ASCC3: variants seen among roughly 807,000 people sequenced by gnomAD.
ASCC3 encodes the protein ASC-1 complex subunit P200.
In ASCC3, 158 loss-of-function variants were observed where a neutral mutation model predicts 256.3. The ratio of observed to expected loss-of-function variants is 0.62; its 90% CI spans 0.54 to 0.70. The LOEUF (loss-of-function observed/expected upper bound fraction) is 0.70. Ranked by LOEUF, ASCC3 falls within the 30% of genes least tolerant of loss-of-function variation. The pLI is 0.00. For missense variants in ASCC3, 2,259 were observed against 2,626.0 expected (o/e 0.86, Z 3.05); for synonymous variants, 948 against 883.4 (o/e 1.07, Z -1.30).
chr6:100,865,811 T>A (rs184650328), intron 2 of ASCC3, among the ~76,000 whole-genome samples: 94 of 152,270 alleles, frequency 6.2e-4, no homozygotes, highest in African/African-American at 2.2e-3. Context: ...TCTTCGTATG[T>A]TCAATTGATA....
At chr6:100,579,852 A>G (rs1054379482) in intron 36 of ASCC3, among the ~76,000 whole-genome samples, 2 of 152,112 alleles carry the variant, frequency 1.3e-5, no homozygotes, top group African/African-American at 4.8e-5. Context: ...GTCTTTCCTA[A>G]TTCTGTGAAG....
At chr6:100,599,717 T>C (rs186544224) in intron 34 of ASCC3, among the ~76,000 whole-genome samples, 2 of 152,050 alleles carry the variant, frequency 1.3e-5, no homozygotes, top group Non-Finnish European at 2.9e-5. Flanking sequence ...AACGTATCTG[T>C]GGATTCAGTA....
At chr6:100,547,243 T>C (rs1769019123) in intron 36 of ASCC3, among the ~76,000 whole-genome samples, 1 of 151,954 alleles carries the variant, frequency 6.6e-6, no homozygotes, top group Admixed American at 6.6e-5. Flanking sequence ...ATCATAGACC[T>C]AAATATAAAA....
At chr6:100,737,545 C>T (rs1171696045) in intron 10 of ASCC3, among the ~76,000 whole-genome samples, 2 of 152,162 alleles carry the variant, frequency 1.3e-5, no homozygotes, top group Admixed American at 1.3e-4. Context: ...CATGTCCCTG[C>T]AAAGGGTATG....
intron 14 of ASCC3, among the ~76,000 whole-genome samples, chr6:100,672,271 A>G (rs1776791305): frequency 6.6e-6 from 1 of 152,028 alleles, no homozygotes; most frequent in Non-Finnish European, 1.5e-5. Context: ...GCGTAAAGGG[A>G]TGACTACTTT....
chr6:100,786,279 T>C (rs1041647132), intron 8 of ASCC3, among the ~76,000 whole-genome samples: 3 of 152,164 alleles, frequency 2.0e-5, no homozygotes, highest in African/African-American at 7.2e-5. Context: ...CACATGCTCA[T>C]GGTATGTCAT....
chr6:100,707,382 A>G (rs561316926), intron 13 of ASCC3, among the ~76,000 whole-genome samples: 1 of 152,084 alleles, frequency 6.6e-6, no homozygotes, highest in Non-Finnish European at 1.5e-5. Context: ...AACTATAGGA[A>G]TAAAAGAAAA....
At chr6:100,633,355 T>C (rs1774653721) in intron 25 of ASCC3, among the ~76,000 whole-genome samples, 1 of 152,068 alleles carries the variant, frequency 6.6e-6, no homozygotes, top group Non-Finnish European at 1.5e-5. Flanking sequence ...ACGGTGCTTT[T>C]GTACAAGTAG....
chr6:100,813,293 T>C (rs955512216), intron 4 of ASCC3, among the ~76,000 whole-genome samples: 2 of 152,016 alleles, frequency 1.3e-5, no homozygotes, highest in South Asian at 2.1e-4. Context: ...CTGTCTCTAC[T>C]AAAAATACAA....
intron 14 of ASCC3, among the ~76,000 whole-genome samples, chr6:100,676,453 C>T (rs192006564): frequency 1.3e-5 from 2 of 152,188 alleles, no homozygotes; most frequent in African/African-American, 4.8e-5. Context: ...GTTTGGGCAT[C>T]ATTTGTACAT....
intron 13 of ASCC3, among the ~76,000 whole-genome samples, chr6:100,686,563 C>T (rs1321628079): frequency 1.3e-5 from 2 of 152,106 alleles, no homozygotes; most frequent in Admixed American, 1.3e-4. Context: ...TTATATTTTA[C>T]AGTTGCATAG....
At chr6:100,856,427 C>T in intron 3 of ASCC3, 1 of 979,808 alleles carries the variant, frequency 1.0e-6, no homozygotes, top group Non-Finnish European at 1.2e-6. Context: ...GCATGTGTTA[C>T]TTATCAATCT....
intron 13 of ASCC3, among the ~76,000 whole-genome samples, chr6:100,694,601 A>G (rs1343880150): frequency 6.6e-6 from 1 of 152,224 alleles, no homozygotes; most frequent in Non-Finnish European, 1.5e-5. Context: ...TGAGAAGTGG[A>G]AAGTACAAAA....
intron 3 of ASCC3, among the ~76,000 whole-genome samples, chr6:100,855,509 T>G (rs1772901726): frequency 6.6e-6 from 1 of 152,244 alleles, no homozygotes; most frequent in South Asian, 2.1e-4. Context: ...GTACTCTTGA[T>G]TTTTATAAAG....
At chr6:100,756,490 G>A (rs970818119) in intron 10 of ASCC3, among the ~76,000 whole-genome samples, 12 of 152,026 alleles carry the variant, frequency 7.9e-5, no homozygotes, top group Admixed American at 4.6e-4. Context: ...TTGTTCATTA[G>A]CATTAGAATA....
chr6:100,648,869 T>C (rs1039157128), intron 20 of ASCC3, among the ~76,000 whole-genome samples: 3 of 151,920 alleles, frequency 2.0e-5, no homozygotes, highest in Admixed American at 1.3e-4. Flanking sequence ...TCTAGAATGA[T>C]ATAAATTGGT....
chr6:100,561,446 G>A (rs765519402), intron 36 of ASCC3, among the ~76,000 whole-genome samples: 11 of 151,736 alleles, frequency 7.2e-5, no homozygotes, highest in Non-Finnish European at 1.6e-4. Flanking sequence ...CATATTCCCA[G>A]TCCATGATTT....
intron 3 of ASCC3, among the ~76,000 whole-genome samples, chr6:100,849,536 G>T (rs972493833): frequency 1.3e-5 from 2 of 152,006 alleles, no homozygotes; most frequent in African/African-American, 4.8e-5. Flanking sequence ...TTAAGCTGAA[G>T]ATAAAGTTAG....
intron 36 of ASCC3, among the ~76,000 whole-genome samples, chr6:100,567,999 T>C (rs1770360159): frequency 6.6e-6 from 1 of 152,168 alleles, no homozygotes; most frequent in Non-Finnish European, 1.5e-5. Context: ...CTAATTTACA[T>C]TCCCACCAAC....
Sources: allele counts gnomAD v4.1 joint callset (sites outside exome capture counted in the v4.1 genomes callset), GRCh38; gene constraint gnomAD v4.1.1; transcripts MANE v1.5; gene names NCBI Gene and HGNC (gene_info 2026-07-23, HGNC 2026-07-21).